TMEFF1: variants seen among roughly 807,000 people sequenced by gnomAD.
TMEFF1 encodes transmembrane protein with EGF like and two follistatin like domains 1, also known as tomoregulin-1.
TMEFF1 carries 20 observed loss-of-function variants against 47.5 expected under a neutral mutation model. The observed-to-expected ratio is 0.42, with a 90% confidence interval of 0.30 to 0.61. TMEFF1 has a LOEUF of 0.61. Among genes scored for constraint, TMEFF1 ranks in the 20% least tolerant of loss-of-function variants. The pLI is 0.19. For missense variants in TMEFF1, 411 were observed against 471.1 expected, an observed-to-expected ratio of 0.87 and a Z score of 1.18; for synonymous variants, 162 against 166.3, an observed-to-expected ratio of 0.97 and a Z score of 0.20.
rs1839369828 is a variant in TMEFF1, at chr9:100,577,319, GT to G, written c.*722del. On this transcript the variant is annotated 3_prime_UTR_variant, in exon 10 of 10. Coordinates refer to ENST00000374879, the MANE Select transcript of TMEFF1 (RefSeq NM_003692.5). ...ATACACATTCATTTTTAAAGAAAAT[GT>G]TTGTTTTAACATAAATAAACAAATC... is the stretch of plus-strand genomic sequence containing the variant. 6.6e-6 allele frequency: 1 copy of G among 152,526 alleles called. No individual in the cohort carries two copies. Among genetic ancestry groups the G allele is most frequent in the South Asian group, 2.1e-4 (1 of 4,826 alleles). 9.4% of individuals were successfully genotyped at this position (152,526 alleles called of 1,614,324 possible).
intron 5 of TMEFF1, among the ~76,000 whole-genome samples, chr9:100,527,624 A>C (rs1838288299): frequency 6.6e-6 from 1 of 152,162 alleles, no homozygotes; most frequent in Non-Finnish European, 1.5e-5. Flanking sequence ...CTAGCACAGC[A>C]GTCTGAGATC....
chr9:100,502,205 A>G (rs1451307059), intron 2 of TMEFF1, among the ~76,000 whole-genome samples: 4 of 152,156 alleles, frequency 2.6e-5, no homozygotes, highest in African/African-American at 7.2e-5. Flanking sequence ...AAAGAACTCT[A>G]TATTTTAAAG....
chr9:100,576,760 GT>G lies in TMEFF1; in HGVS notation c.*163del. On this transcript the variant is annotated 3_prime_UTR_variant, in exon 10 of 10. Coordinates refer to ENST00000374879, the MANE Select transcript of TMEFF1 (RefSeq NM_003692.5). ...TATTCAGCTACGACAGTTTTGGACT[GT>G]TTAGTAGTCTTTGTTTTATGTTTTT... 2.6e-6 allele frequency: 2 copies of G among 766,702 alleles called. No individual in the cohort carries two copies. Among genetic ancestry groups the G allele is most frequent in the Non-Finnish European group, 3.9e-6 (2 of 517,362 alleles). The allele number at this position is 766,702 out of a possible 1,614,324, so 47.5% of individuals were successfully genotyped here. A position where few individuals can be genotyped will look rare whatever the true frequency, so the allele number is the denominator to read the frequency against.
chr9:100,498,891 T>A lies in TMEFF1; in HGVS notation c.306+17T>A. ...CAATTTCAGGTGAGGAAACCCAGCCTATTTTGAAAAGTTTTATATTCTTCG... is the reference window on the plus strand; with the variant it reads ...CAATTTCAGGTGAGGAAACCCAGCCAATTTTGAAAAGTTTTATATTCTTCG... On this transcript the variant is annotated intron_variant, in intron 2 of 9. Transcript: ENST00000374879. 1 of 1,603,806 alleles carries A rather than the reference T, an allele frequency of 6.2e-7. No homozygotes were observed. The highest frequency in any genetic ancestry group is 8.5e-7 in the Non-Finnish European group (1 of 1,177,288).
chr9:100,493,814 A>G (rs1837601402), intron 1 of TMEFF1, among the ~76,000 whole-genome samples: 1 of 152,154 alleles, frequency 6.6e-6, no homozygotes, highest in South Asian at 2.1e-4. Flanking sequence ...AAAACAAAGA[A>G]CATTCAGAAG....
chr9:100,491,421 T>G (rs2118287321), intron 1 of TMEFF1, among the ~76,000 whole-genome samples: 1 of 152,344 alleles, frequency 6.6e-6, no homozygotes, highest in East Asian at 1.9e-4. Flanking sequence ...AGTTTGAACA[T>G]ATTCTGTGGG....
chr9:100,493,207 A>G (rs1245078066), intron 1 of TMEFF1, among the ~76,000 whole-genome samples: 1 of 152,130 alleles, frequency 6.6e-6, no homozygotes, highest in Non-Finnish European at 1.5e-5. Context: ...TGTACAGGAT[A>G]TTCCCTACAA....
In TMEFF1 at chr9:100,576,767, A is replaced by C. The variant is rs1839361326; in HGVS notation, c.*167A>C. ...CTACGACAGTTTTGGACTGTTTAGT[A>C]GTCTTTGTTTTATGTTTTTAAATAC... On this transcript the variant is annotated 3_prime_UTR_variant, in exon 10 of 10. Transcript: ENST00000374879. 4 of 722,438 alleles carry C rather than the reference A, an allele frequency of 5.5e-6. No homozygotes were observed. Among genetic ancestry groups the C allele is most frequent in the Non-Finnish European group, 6.2e-6 (3 of 482,180 alleles). 44.8% of individuals were successfully genotyped at this position (722,438 alleles called of 1,614,324 possible).
At chr9:100,540,521 C>T (rs991997950) in intron 5 of TMEFF1, among the ~76,000 whole-genome samples, 7 of 152,202 alleles carry the variant, frequency 4.6e-5, no homozygotes, top group African/African-American at 7.2e-5. Context: ...CCCACCTCCC[C>T]GCTAGCAGAG....
rs187756277 is a variant in TMEFF1 at position 100,484,761 on chromosome 9, C to T, written c.196+11021C>T. Among the ~76,000 whole-genome samples, 17 of 150,468 alleles carry T rather than the reference C, an allele frequency of 1.1e-4. No individual in the cohort carries two copies. In the East Asian group the frequency reaches 1.4e-3, roughly 12 times the overall value. ...CTAGAGGACAGTGGTGTGATCTTGG[C>T]GCCCTGCAACCTCCGCCTCCCCGGT... On this transcript the variant is annotated intron_variant, in intron 1 of 9. Transcript: ENST00000374879.
chr9:100,501,686 C>T (rs973822427), intron 2 of TMEFF1, among the ~76,000 whole-genome samples: 7 of 151,952 alleles, frequency 4.6e-5, no homozygotes, highest in Non-Finnish European at 1.0e-4. Flanking sequence ...CGCTCTGTTG[C>T]CAGGCTGGAG....
chr9:100,489,927 C>T (rs951795326), intron 1 of TMEFF1, among the ~76,000 whole-genome samples: 3 of 152,152 alleles, frequency 2.0e-5, no homozygotes, highest in African/African-American at 7.2e-5. Flanking sequence ...AACCACTCAA[C>T]TCTGTACCCA....
Position 100,473,492 on chromosome 9 carries a change from G to A in TMEFF1, c.-53G>A. ...CGGCGGGGCTCTGGGCGCGCGGCTG[G>A]ATGCCCCCGGCCTGCGGCTCCCTGC... On this transcript the variant is annotated 5_prime_UTR_variant, in exon 1 of 10. Transcript: ENST00000374879. The surrounding 1 kb of genome is among the most constrained non-coding windows in gnomAD (Gnocchi z 5.4). 7.8e-7 allele frequency: 1 copy of A among 1,278,138 alleles called. No homozygotes were observed. Among genetic ancestry groups the A allele is most frequent in the Non-Finnish European group, 9.9e-7 (1 of 1,012,930 alleles). 79.2% of individuals were successfully genotyped at this position (1,278,138 alleles called of 1,614,324 possible).
chr9:100,523,931 C>T (rs193235343), intron 5 of TMEFF1, among the ~76,000 whole-genome samples: 7 of 152,244 alleles, frequency 4.6e-5, no homozygotes, highest in Middle Eastern at 6.8e-3. Flanking sequence ...TGAATTTATG[C>T]ATTCATTTAT....
intron 7 of TMEFF1, 96 bp from the exon 8 acceptor site, chr9:100,561,301 G>A (rs1587856302): frequency 2.6e-6 from 4 of 1,528,254 alleles, no homozygotes; most frequent in Non-Finnish European, 3.5e-6. Flanking sequence ...GTGGTTGACA[G>A]TGGGTGAATT....
At chr9:100,523,842 T>G (rs902074221) in intron 5 of TMEFF1, among the ~76,000 whole-genome samples, 18 of 152,196 alleles carry the variant, frequency 1.2e-4, no homozygotes, top group Admixed American at 1.2e-3. Context: ...CTGTCAGCAG[T>G]GTTTTGAGGT....
At chr9:100,494,654 T>C (rs1837618731) in intron 1 of TMEFF1, among the ~76,000 whole-genome samples, 1 of 152,154 alleles carries the variant, frequency 6.6e-6, no homozygotes, top group South Asian at 2.1e-4. Flanking sequence ...TGCCTACATA[T>C]GAACACAGAG....
chr9:100,576,460 C>T, intron 9 of TMEFF1, 56 bp from the exon 10 acceptor site: 1 of 1,590,888 alleles, frequency 6.3e-7, no homozygotes, highest in Non-Finnish European at 8.5e-7. Context: ...TTTGAAATAT[C>T]CTGAACAAAA....
At chr9:100,519,301 G>C (rs151184930) in intron 5 of TMEFF1, among the ~76,000 whole-genome samples, 1 of 151,928 alleles carries the variant, frequency 6.6e-6, no homozygotes, top group Non-Finnish European at 1.5e-5. Context: ...CCAGCTACTC[G>C]GGAGGCTGAG....
Sources: allele counts gnomAD v4.1 joint callset (sites outside exome capture counted in the v4.1 genomes callset), GRCh38; gene constraint gnomAD v4.1.1; non-coding constraint Gnocchi (gnomAD v3.1); transcripts MANE v1.5; gene names NCBI Gene and HGNC (gene_info 2026-07-23, HGNC 2026-07-21).